The following ASTN2 variants were observed in gnomAD, a reference collection of about 807,000 sequenced individuals.
The protein encoded by ASTN2 is astrotactin-2.
ASTN2 carries 54 observed loss-of-function variants against 139.8 expected under a neutral mutation model. The observed-to-expected ratio is 0.39, with a 90% CI of 0.31 to 0.48. ASTN2 has a LOEUF of 0.48. Ranked by LOEUF, ASTN2 falls within the 20% of genes least tolerant of loss-of-function variation. The probability of loss-of-function intolerance (pLI) is 0.95; values close to 1 mark genes in which losing one functional copy is unlikely to be tolerated. For missense variants in ASTN2, 1,565 were observed against 1,725.1 expected (o/e 0.91, Z 1.64); for synonymous variants, 756 against 719.5 (o/e 1.05, Z -0.81).
At chr9:116,879,006 G>T (rs4837968) in intron 10 of ASTN2, among the ~76,000 whole-genome samples, 1 of 151,350 alleles carries the variant, frequency 6.6e-6, no homozygotes, top group South Asian at 2.1e-4. Context: ...AGAGACTCTG[G>T]TGATCTGGAT....
rs187208202 is a variant in ASTN2, at chr9:116,503,321, G to A, written c.3356-15821C>T. ...GGGCAGATGATCTGGGAGGAGGAGG[G>A]GGGGAGAGTGAGAGGGTGACTGGCA... On this transcript the variant is annotated intron_variant, in intron 19 of 22. Coordinates refer to ENST00000313400, the MANE Select transcript of ASTN2 (RefSeq NM_001365068.1). 3.9e-5 allele frequency among the ~76,000 whole-genome samples: 6 copies of A among 152,152 alleles called. No individual in the cohort carries two copies. In the East Asian group the frequency reaches 7.8e-4, roughly 20 times the overall value.
intron 4 of ASTN2, among the ~76,000 whole-genome samples, chr9:117,116,754 T>C (rs1005720300): frequency 2.8e-5 from 4 of 143,472 alleles, no homozygotes; most frequent in African/African-American, 1.0e-4. Context: ...AGTAGAGTTA[T>C]TTCCAATTGT....
intron 17 of ASTN2, among the ~76,000 whole-genome samples, chr9:116,641,820 G>A (rs550195879): frequency 6.6e-6 from 1 of 152,154 alleles, no homozygotes; most frequent in Admixed American, 6.5e-5. Context: ...AGTGTGTTGA[G>A]TAATATGTGG....
intron 13 of ASTN2, among the ~76,000 whole-genome samples, chr9:116,739,011 T>TACACACAC (rs35705356): frequency 6.6e-6 from 1 of 150,514 alleles, no homozygotes. Context: ...AACATTCACT[T>TACACACAC]ACACACACAC....
intron 3 of ASTN2, among the ~76,000 whole-genome samples, chr9:117,163,278 C>T (rs931887075): frequency 1.3e-5 from 2 of 152,022 alleles, no homozygotes; most frequent in Non-Finnish European, 2.9e-5. Flanking sequence ...TGGCATTGAA[C>T]ATCTCTGAAT....
rs1354161095 is a variant in ASTN2 at position 116,879,499 on chromosome 9, C to T, written c.1890-15766G>A. On this transcript the variant is annotated intron_variant, in intron 10 of 22. Transcript: ENST00000313400. ...CTGAGAAAACCAACAACTTATTCAA[C>T]CTCTCTTGAGTCTCAGTTTCCTCAT... Among the ~76,000 whole-genome samples, 3 of 152,136 alleles carry T rather than the reference C, an allele frequency of 2.0e-5. No homozygotes were observed. The East Asian group carries it at 5.8e-4, about 29-fold the overall frequency.
intron 12 of ASTN2, among the ~76,000 whole-genome samples, chr9:116,817,372 C>T (rs1049730730): frequency 2.0e-5 from 3 of 151,976 alleles, no homozygotes; most frequent in Non-Finnish European, 2.9e-5. Flanking sequence ...CACCTGATGC[C>T]TCTTAGGGCT....
chr9:117,288,086 C>T (rs1834494301), intron 2 of ASTN2, among the ~76,000 whole-genome samples: 1 of 152,180 alleles, frequency 6.6e-6, no homozygotes, highest in African/African-American at 2.4e-5. Context: ...TCTCTGCATC[C>T]TGCCACCTGC....
intron 10 of ASTN2, among the ~76,000 whole-genome samples, chr9:116,893,530 TCC>T (rs956517534): frequency 1.6e-4 from 25 of 152,180 alleles, no homozygotes; most frequent in African/African-American, 5.8e-4. Context: ...CCAGCCTCAG[TCC>T]CCCAGTTGTA....
chr9:116,799,714 G>C (rs982260706), intron 13 of ASTN2, among the ~76,000 whole-genome samples: 4 of 143,650 alleles, frequency 2.8e-5, no homozygotes, highest in African/African-American at 1.0e-4. Flanking sequence ...AGTGGGGGGG[G>C]GGAGAATAAA....
intron 5 of ASTN2, among the ~76,000 whole-genome samples, chr9:117,050,105 G>A (rs1838872042): frequency 6.6e-6 from 1 of 152,102 alleles, no homozygotes; most frequent in South Asian, 2.1e-4. Flanking sequence ...TTAGTCTACA[G>A]GCTGTTTAGA....
chr9:117,323,425 C>A (rs7021801), intron 1 of ASTN2, among the ~76,000 whole-genome samples: 73,514 of 151,922 alleles, frequency 0.48, 17,973 homozygotes, highest in African/African-American at 0.51. Flanking sequence ...CTCTTTGCTC[C>A]GGCCTTAGAT....
At chr9:117,391,588 AC>A in intron 1 of ASTN2, among the ~76,000 whole-genome samples, 1 of 152,248 alleles carries the variant, frequency 6.6e-6, no homozygotes, top group East Asian at 1.9e-4. Context: ...TATGGGAGCT[AC>A]AAGATGAGAT....
intron 1 of ASTN2, among the ~76,000 whole-genome samples, chr9:117,373,875 C>T (rs1270318684): frequency 6.6e-6 from 1 of 152,186 alleles, no homozygotes; most frequent in Non-Finnish European, 1.5e-5. Context: ...TTGGACAGCA[C>T]ATATCCTAAC....
At chr9:117,216,755 G>C (rs1417088631) in intron 2 of ASTN2, among the ~76,000 whole-genome samples, 1 of 152,096 alleles carries the variant, frequency 6.6e-6, no homozygotes, top group Non-Finnish European at 1.5e-5. Context: ...GGAGAGGGAG[G>C]GAGTGAGGAA....
chr9:117,088,158 A>C (rs1266973582), intron 5 of ASTN2, among the ~76,000 whole-genome samples: 1 of 152,166 alleles, frequency 6.6e-6, no homozygotes, highest in Non-Finnish European at 1.5e-5. Context: ...AGTGATGGAT[A>C]AAGGATGAGG....
intron 16 of ASTN2, among the ~76,000 whole-genome samples, chr9:116,668,340 C>T (rs575718181): frequency 6.0e-4 from 91 of 152,156 alleles, no homozygotes; most frequent in African/African-American, 2.1e-3. Context: ...TATAGGCACC[C>T]GCCATCACGC....
intron 16 of ASTN2, among the ~76,000 whole-genome samples, chr9:116,718,972 G>GTGTGTGTATATATATATATA (rs56991546): frequency 1.0e-5 from 1 of 100,000 alleles, no homozygotes; most frequent in African/African-American, 3.8e-5. Context: ...ACCTGTATCT[G>GTGTGTGTATATATATATATA]TACATATATA....
At chr9:116,770,325 A>G (rs1588278742) in intron 13 of ASTN2, among the ~76,000 whole-genome samples, 2 of 152,142 alleles carry the variant, frequency 1.3e-5, no homozygotes, top group African/African-American at 4.8e-5. Flanking sequence ...AGGGGTCTAT[A>G]CCAGACCAGT....
Sources: gnomAD v4.1 joint callset for allele counts (sites outside exome capture counted in the v4.1 genomes callset) on GRCh38, gnomAD v4.1.1 for gene constraint, MANE v1.5 for transcripts, NCBI Gene and HGNC (gene_info 2026-07-23, HGNC 2026-07-21) for gene names.